Variants in VEPH1 observed in about 807,000 individuals in gnomAD.
The protein encoded by VEPH1 is ventricular zone-expressed PH domain-containing protein homolog 1.
In VEPH1, 80 loss-of-function variants were observed where a neutral mutation model predicts 85.2. The ratio of observed to expected loss-of-function variants is 0.94; its 90% confidence interval spans 0.78 to 1.13. VEPH1 has a LOEUF of 1.13. VEPH1 is among the 50% of genes most tolerant of loss of function. The pLI is 0.00. For missense variants in VEPH1, 955 were observed against 980.5 expected, an observed-to-expected ratio of 0.97 and a Z score of 0.35; for synonymous variants, 297 against 348.0, an observed-to-expected ratio of 0.85 and a Z score of 1.63.
intron 12 of VEPH1, among the ~76,000 whole-genome samples, chr3:157,271,655 C>T (rs1714568400): frequency 6.6e-6 from 1 of 152,130 alleles, no homozygotes; most frequent in Non-Finnish European, 1.5e-5. Context: ...CTCCTCCCTC[C>T]CTCTGCTTAC....
intron 7 of VEPH1, among the ~76,000 whole-genome samples, chr3:157,369,899 T>C (rs1420162814): frequency 1.3e-5 from 2 of 152,160 alleles, no homozygotes; most frequent in East Asian, 1.9e-4. Flanking sequence ...ATGGGTCCTG[T>C]ATGTGTTTAC....
intron 7 of VEPH1, among the ~76,000 whole-genome samples, chr3:157,373,358 G>C (rs1308852644): frequency 1.3e-5 from 2 of 152,142 alleles, no homozygotes; most frequent in African/African-American, 4.8e-5. Flanking sequence ...ACATCCTGTG[G>C]GAATCAGACA....
chr3:157,343,897 C>T (rs997694227), intron 9 of VEPH1, among the ~76,000 whole-genome samples: 11 of 152,122 alleles, frequency 7.2e-5, no homozygotes, highest in Non-Finnish European at 1.5e-4. Context: ...AAATGTAATC[C>T]AGAATATAAA....
At chr3:157,486,178 C>A (rs1738623627) in intron 2 of VEPH1, among the ~76,000 whole-genome samples, 1 of 151,998 alleles carries the variant, frequency 6.6e-6, no homozygotes, top group Admixed American at 6.6e-5. Flanking sequence ...ATACACATTC[C>A]TTTCAAGCAC....
rs1725685769 is a variant in VEPH1, at chr3:157,358,490, C to T, written c.1735+4874G>A. Among the ~76,000 whole-genome samples the T allele has an allele frequency of 1.3e-5, 2 of 152,174 alleles. 1 individual carries two copies. Among genetic ancestry groups the T allele is most frequent in the South Asian group, 4.2e-4 (2 of 4,804 alleles). On this transcript the variant is annotated intron_variant, in intron 9 of 13. Transcript: ENST00000362010. ...AATTCATGGATAAATTATCCTAATC[C>T]CATGATTAAACTAATCCATTAAAAA...
chr3:157,348,238 A>G (rs1724463362), intron 9 of VEPH1, among the ~76,000 whole-genome samples: 1 of 152,132 alleles, frequency 6.6e-6, no homozygotes, highest in South Asian at 2.1e-4. Context: ...GCTCTTCAAT[A>G]TAATAATTTC....
chr3:157,289,832 T>C (rs1275202389), intron 11 of VEPH1, among the ~76,000 whole-genome samples: 7 of 152,326 alleles, frequency 4.6e-5, no homozygotes, highest in South Asian at 4.1e-4. Context: ...TATATCTAAC[T>C]GTAAGTCACT....
chr3:157,382,423 T>C (rs1728880381), intron 6 of VEPH1, among the ~76,000 whole-genome samples: 1 of 152,174 alleles, frequency 6.6e-6, no homozygotes, highest in South Asian at 2.1e-4. Flanking sequence ...AGCCAAAAAA[T>C]TCAATATTCA....
intron 6 of VEPH1, among the ~76,000 whole-genome samples, chr3:157,395,798 T>G (rs1311263276): frequency 6.6e-6 from 1 of 152,160 alleles, no homozygotes; most frequent in Non-Finnish European, 1.5e-5. Context: ...TTGTACATAT[T>G]ATTTCATCAC....
At chr3:157,381,686 T>A in intron 6 of VEPH1, 2 of 279,218 alleles carry the variant, frequency 7.2e-6, no homozygotes, top group Non-Finnish European at 6.8e-6. Context: ...GCCACTGCAC[T>A]CCAGCCTGGG....
chr3:157,328,770 A>T (rs1026108242), intron 9 of VEPH1, among the ~76,000 whole-genome samples: 2 of 152,194 alleles, frequency 1.3e-5, no homozygotes, highest in Non-Finnish European at 2.9e-5. Context: ...GCTCTATTCA[A>T]AGCTTCGTGG....
chr3:157,463,544 T>C (rs1736077625), intron 3 of VEPH1, among the ~76,000 whole-genome samples: 2 of 152,168 alleles, frequency 1.3e-5, no homozygotes, highest in Non-Finnish European at 2.9e-5. Context: ...CTGATCTGAC[T>C]GGATCATTAC....
chr3:157,495,613 C>T, intron 1 of VEPH1, 107 bp from the exon 2 acceptor site: 1 of 519,060 alleles, frequency 1.9e-6, no homozygotes, highest in Non-Finnish European at 2.9e-6. Context: ...AACTTGGAAA[C>T]ATGTGCCTAG....
intron 3 of VEPH1, among the ~76,000 whole-genome samples, chr3:157,462,521 C>T (rs1246470843): frequency 6.6e-6 from 1 of 152,130 alleles, no homozygotes; most frequent in Non-Finnish European, 1.5e-5. Flanking sequence ...CTTGTCTATT[C>T]ACACTAAGTA....
intron 5 of VEPH1, among the ~76,000 whole-genome samples, chr3:157,424,252 T>C (rs936906297): frequency 3.3e-5 from 5 of 152,362 alleles, no homozygotes; most frequent in East Asian, 3.9e-4. Flanking sequence ...AAGTGCCTTT[T>C]GCCTCCTGCC....
intron 11 of VEPH1, among the ~76,000 whole-genome samples, chr3:157,297,754 G>A (rs557805049): frequency 6.6e-6 from 1 of 152,132 alleles, no homozygotes; most frequent in South Asian, 2.1e-4. Flanking sequence ...ATAATGACAA[G>A]CATAAAAGGA....
chr3:157,353,028 G>C (rs1725034471), intron 9 of VEPH1, among the ~76,000 whole-genome samples: 1 of 152,174 alleles, frequency 6.6e-6, no homozygotes, highest in African/African-American at 2.4e-5. Context: ...GGTGACCAAT[G>C]AGATGAAGTA....
intron 7 of VEPH1, among the ~76,000 whole-genome samples, chr3:157,374,024 T>A (rs771649720): frequency 2.6e-5 from 4 of 152,158 alleles, no homozygotes; most frequent in African/African-American, 7.2e-5. Flanking sequence ...GAAATGCCTT[T>A]AAAGACCTTC....
At position 157,475,081 on chromosome 3, in the gene VEPH1, G is replaced by A. The variant is rs531330429; in HGVS notation, c.139-4552C>T. Among the ~76,000 whole-genome samples the A allele has an allele frequency of 4.0e-5, 6 of 151,854 alleles. No homozygotes were observed. In the South Asian group the frequency reaches 1.0e-3, roughly 26 times the overall value. ...TGCAGCCTCAACCTCCTGGGCTCAA[G>A]GGTTCCTCCTATCCCAGCCTCCTGA... On this transcript the variant is annotated intron_variant, in intron 2 of 13. Transcript: ENST00000362010.
Sources: allele counts gnomAD v4.1 joint callset (sites outside exome capture counted in the v4.1 genomes callset), GRCh38; gene constraint gnomAD v4.1.1; transcripts MANE v1.5; gene names NCBI Gene and HGNC (gene_info 2026-07-23, HGNC 2026-07-21).